Variants in JAK3 observed in about 807,000 individuals in gnomAD.
JAK3 encodes tyrosine-protein kinase JAK3.
JAK3 carries 88 observed loss-of-function variants against 120.8 expected under a neutral mutation model. That is an observed-to-expected ratio of 0.73 (90% confidence interval 0.61 to 0.87). The LOEUF (loss-of-function observed/expected upper bound fraction) is 0.87, where lower values mean the gene tolerates loss of function less well. JAK3 is among the 40% of genes least tolerant of loss of function. The pLI is 0.00. For missense variants in JAK3, 1,254 were observed against 1,501.4 expected, an observed-to-expected ratio of 0.84 and a Z score of 2.72; for synonymous variants, 592 against 628.6, an observed-to-expected ratio of 0.94 and a Z score of 0.87.
rs200624610 is a variant in JAK3 at position 17,834,598 on chromosome 19, G to A, written c.2323C>T (p.Arg775Cys). 4.2e-5 allele frequency: 63 copies of A among 1,506,006 alleles called. No homozygotes were observed. Among genetic ancestry groups the A allele is most frequent in the Non-Finnish European group, 4.9e-5 (55 of 1,113,096 alleles). The allele number at this position is 1,506,006 out of a possible 1,614,324, so 93.3% of individuals were successfully genotyped here. ...VQRPSFRAVI[R>C]DLNSLISSDY... is the part of the protein sequence containing the mutation. ...GAAGAGATGAGGCTATTGAGGTCAC[G>A]AATGACGGCTCGGAAGGAGGGCCTC... The change falls in exon 17 of 24, where the codon CGT becomes TGT. Residue 775 changes from arginine to cysteine, a missense_variant. Coordinates refer to ENST00000458235, the MANE Select transcript of JAK3 (RefSeq NM_000215.4).
chr19:17,847,899 C>T, intron 1 of JAK3, 47 bp downstream of exon 1: 3 of 694,412 alleles, frequency 4.3e-6, no homozygotes, highest in Non-Finnish European at 5.4e-6. Flanking sequence ...CCACCACCAT[C>T]CTCCCCCAGT....
Position 17,839,482 on chromosome 19 carries a change from G to T in JAK3, c.1436C>A (p.Pro479His), listed in dbSNP as rs1346219310. The T allele has an allele frequency of 6.3e-7, 1 of 1,580,594 alleles. No homozygotes were observed. The highest frequency in any genetic ancestry group is 8.6e-7 in the Non-Finnish European group (1 of 1,162,452). The change falls in exon 10 of 24, where the codon CCC becomes CAC. Residue 479 changes from proline (P) to histidine (H), a missense_variant. Pro to His is a moderately conservative substitution (Grantham distance 77). Around this residue, in one of 3 missense-constraint regions of JAK3, gnomAD observed 486 missense variants for 503.0 expected, o/e 0.97. Coordinates refer to ENST00000458235, the MANE Select transcript of JAK3 (RefSeq NM_000215.4). ...CAGGGGAGGAAGGGGCTCACCTTTG[G>T]GTCTGGGGATACAGCAGGAAGTGAG... ...VTLTSCCIPR[P>H]KEKSNLIVVQ...
In JAK3 at chr19:17,827,074, G is replaced by A. The variant is rs567854228; in HGVS notation, c.3208-164C>T. 2.0e-5 allele frequency among the ~76,000 whole-genome samples: 3 copies of A among 152,252 alleles called. No individual in the cohort carries two copies. The East Asian group carries it at 5.8e-4, about 29-fold the overall frequency. On this transcript the variant is annotated intron_variant, in intron 23 of 23. Coordinates refer to ENST00000458235, the MANE Select transcript of JAK3 (RefSeq NM_000215.4). ...GGCTCACTGCAACCTCCGCCTCCCG[G>A]GTTCAAGCAATTATCCTGCCTCAGC...
intron 1 of JAK3, among the ~76,000 whole-genome samples, chr19:17,846,473 C>A (rs1019671154): frequency 3.3e-5 from 5 of 152,160 alleles, no homozygotes; most frequent in Non-Finnish European, 5.9e-5. Context: ...TTGGAGGAGC[C>A]CCATCTCTCC....
At chr19:17,838,832 C>T (rs1442768499) in intron 10 of JAK3, among the ~76,000 whole-genome samples, 1 of 151,384 alleles carries the variant, frequency 6.6e-6, no homozygotes, top group Non-Finnish European at 1.5e-5. Flanking sequence ...TCTCCTGCCT[C>T]AGCCTCCCAA....
At position 17,841,269 on chromosome 19, in the gene JAK3, G is replaced by A; in HGVS notation, c.1142+120C>T. 1.0e-6 allele frequency: 1 copy of A among 964,358 alleles called. No homozygotes were observed. Among genetic ancestry groups the A allele is most frequent in the Non-Finnish European group, 1.5e-6 (1 of 650,624 alleles). 59.7% of individuals were successfully genotyped at this position (964,358 alleles called of 1,614,324 possible). ...TTCACTGAGCGCTGACTGTGCGGCA[G>A]GTGTGGTTTGAAAACTTGACCCCTG... On this transcript the variant is annotated intron_variant, in intron 8 of 23. Transcript: ENST00000458235. This position sits in a 1 kb window ranked among gnomAD's most constrained non-coding sequence, Gnocchi z 4.1.
rs914759105 is a variant in JAK3, at chr19:17,843,234, C to G, written c.421-62G>C. The G allele has an allele frequency of 1.3e-6, 2 of 1,562,216 alleles. No homozygotes were observed. Among genetic ancestry groups the G allele is most frequent in the African/African-American group, 1.4e-5 (1 of 73,604 alleles). On this transcript the variant is annotated intron_variant, in intron 4 of 23. Transcript: ENST00000458235. The surrounding 1 kb of genome is among the most constrained non-coding windows in gnomAD (Gnocchi z 5.4). ...CCCAACTTCAAGCCCTGTTGTTAACCTGCAGACCCCCCCAATCCTGGGCTG... is the reference window on the plus strand; with the variant it reads ...CCCAACTTCAAGCCCTGTTGTTAACGTGCAGACCCCCCCAATCCTGGGCTG...
At chr19:17,836,346 G>C (rs1276567944) in intron 13 of JAK3, among the ~76,000 whole-genome samples, 4 of 151,894 alleles carry the variant, frequency 2.6e-5, no homozygotes, top group Admixed American at 6.6e-5. Flanking sequence ...GCAGTGGTGC[G>C]ATCTCGGCTT....
At chr19:17,829,863 G>A in intron 23 of JAK3, 1 of 597,088 alleles carries the variant, frequency 1.7e-6, no homozygotes. Flanking sequence ...AGGTGTTCAG[G>A]AGTCTAATCT....
At chr19:17,847,383 G>A (rs1053916978) in intron 1 of JAK3, among the ~76,000 whole-genome samples, 8 of 151,932 alleles carry the variant, frequency 5.3e-5, no homozygotes, top group Admixed American at 3.3e-4. Flanking sequence ...CTGTAATACT[G>A]TAACAAAAAA....
Position 17,843,104 on chromosome 19 carries a change from G to A in JAK3, c.489C>T (p.Leu163=), listed in dbSNP as rs138218812. Residue 163 remains leucine (L), a synonymous_variant, in exon 5 of 24, where the codon CTC becomes CTT. Transcript: ENST00000458235. The surrounding 1 kb of genome is among the most constrained non-coding windows in gnomAD (Gnocchi z 5.4). The part of the protein sequence containing the change: ...GLSLKEQGEC[L]SLAVLDLARM... ...GGGCCAGGTCCAACACGGCCAGGCT[G>A]AGACACTCACCCTGCTCCTTGAGAC... The A allele has an allele frequency of 3.4e-5, 55 of 1,610,128 alleles. No individual in the cohort carries two copies. The highest frequency in any genetic ancestry group is 4.4e-5 in the Non-Finnish European group (52 of 1,179,938).
Position 17,841,563 on chromosome 19 carries a change from T to C in JAK3, c.985-17A>G, listed in dbSNP as rs543225751. Reference sequence around the variant, plus strand: ...CTCGGCCTCCTGCGAGGGACAAGCGTCAGAGCCCAGTGAAACCCGAGGGTG... The same window carrying C: ...CTCGGCCTCCTGCGAGGGACAAGCGCCAGAGCCCAGTGAAACCCGAGGGTG... On this transcript the variant is annotated splice_polypyrimidine_tract_variant and intron_variant, in intron 7 of 23. Coordinates refer to ENST00000458235, the MANE Select transcript of JAK3 (RefSeq NM_000215.4). This position sits in a 1 kb window ranked among gnomAD's most constrained non-coding sequence, Gnocchi z 4.1. The C allele has an allele frequency of 1.3e-5, 21 of 1,602,030 alleles. No individual in the cohort carries two copies. The African/African-American group carries it at 2.4e-4, about 18-fold the overall frequency.
Position 17,835,084 on chromosome 19 carries a change from C to G in JAK3, c.2046G>C (p.Glu682Asp), listed in dbSNP as rs2094221650. The G allele has an allele frequency of 6.2e-7, 1 of 1,614,202 alleles. No homozygotes were observed. Among genetic ancestry groups the G allele is most frequent in the East Asian group, 2.2e-5 (1 of 44,870 alleles). The change falls in exon 15 of 24, where the codon GAG (glutamate) becomes GAC (aspartate). Residue 682 changes from glutamate to aspartate, a missense_variant and splice_region_variant. Coordinates refer to ENST00000458235, the MANE Select transcript of JAK3 (RefSeq NM_000215.4). ...PGVSPAVLSL[E>D]MLTDRIPWVA... ...CCTCCTCCACCTCCAGGAACTTACT[C>G]TCCAGGCTTAACACAGCGGGGCTGA...
rs1443520204 is a variant in JAK3 at position 17,830,571 on chromosome 19, C to T, written c.3028G>A (p.Val1010Ile). The T allele has an allele frequency of 6.2e-7, 1 of 1,613,670 alleles. No homozygotes were observed. Among genetic ancestry groups the T allele is most frequent in the Non-Finnish European group, 8.5e-7 (1 of 1,179,932 alleles). Residue 1010 changes from valine to isoleucine, a missense_variant, in exon 22 of 24, where the codon GTC becomes ATC. Around this residue, in one of 3 missense-constraint regions of JAK3, gnomAD observed 630 missense variants for 819.8 expected, o/e 0.77. Coordinates refer to ENST00000458235, the MANE Select transcript of JAK3 (RefSeq NM_000215.4). Reference sequence around the variant, plus strand: ...TACAGGACGACCCCGAAGCTCCAGACGTCTGACTGGCGAGAGAAGATGTTG... The same window carrying T: ...TACAGGACGACCCCGAAGCTCCAGATGTCTGACTGGCGAGAGAAGATGTTG... ...SDNIFSRQSD[V>I]WSFGVVLYEL...
chr19:17,833,330 G>A (rs2094217834), intron 17 of JAK3, among the ~76,000 whole-genome samples: 1 of 152,100 alleles, frequency 6.6e-6, no homozygotes, highest in Non-Finnish European at 1.5e-5. Context: ...ATCTGCAGAG[G>A]ATCCAACGGG....
intron 22 of JAK3, 125 bp downstream of exon 22, chr19:17,830,378 G>T: frequency 2.1e-6 from 2 of 930,730 alleles, no homozygotes; most frequent in African/African-American, 1.6e-5. Context: ...CTCCCCACTG[G>T]GGCCTATGAT....
intron 1 of JAK3, among the ~76,000 whole-genome samples, chr19:17,845,711 T>G (rs1282755253): frequency 1.3e-5 from 2 of 151,604 alleles, no homozygotes; most frequent in African/African-American, 4.8e-5. Context: ...ATCACACCAC[T>G]GCACTCCAGC....
intron 22 of JAK3, 68 bp downstream of exon 22, chr19:17,830,434 CA>C (rs1481717551): frequency 1.9e-5 from 24 of 1,268,954 alleles, no homozygotes; most frequent in South Asian, 7.4e-5. Flanking sequence ...CAGGCGCAGA[CA>C]GGTTGGAGAT....
chr19:17,843,062 C>G lies in JAK3; in HGVS notation c.531G>C (p.Gln177His), dbSNP rs1157067833. ...TCAGCAGCTCTCCCGGCCGCTGGGC[C>G]TGCTCTCGCGCCATCCGGGCCAGGT... ...VLDLARMAREQAQRPGELLKT... is the reference protein window; with the variant it reads ...VLDLARMAREHAQRPGELLKT... Residue 177 changes from glutamine to histidine, a missense_variant, in exon 5 of 24, where the codon CAG (glutamine) becomes CAC (histidine). Gln to His is a conservative substitution (Grantham distance 24). Transcript: ENST00000458235. This position sits in a 1 kb window ranked among gnomAD's most constrained non-coding sequence, Gnocchi z 5.4. 2 of 1,610,718 alleles carry G rather than the reference C, an allele frequency of 1.2e-6. No individual in the cohort carries two copies. Among genetic ancestry groups the G allele is most frequent in the Non-Finnish European group, 1.7e-6 (2 of 1,179,950 alleles).
Sources: allele counts gnomAD v4.1 joint callset (sites outside exome capture counted in the v4.1 genomes callset), GRCh38; gene constraint gnomAD v4.1.1; regional missense constraint gnomAD v4.1.1; non-coding constraint Gnocchi (gnomAD v3.1); transcripts MANE v1.5; gene names NCBI Gene and HGNC (gene_info 2026-07-23, HGNC 2026-07-21).